The following GLT1D1 variants were observed in gnomAD, a reference collection of about 807,000 sequenced individuals.
The protein encoded by GLT1D1 is glycosyltransferase 1 domain containing 1, also known as glycosyltransferase 1 domain-containing protein 1.
GLT1D1 carries 21 observed loss-of-function variants against 28.7 expected under a neutral mutation model. The ratio of observed to expected loss-of-function variants is 0.73; its 90% CI spans 0.52 to 1.05. GLT1D1 has a LOEUF of 1.05. GLT1D1 is among the 50% of genes least tolerant of loss of function. The pLI is 0.00. For synonymous variants in GLT1D1, 147 were observed against 124.8 expected (o/e 1.18, Z -1.19); for missense variants, 343 against 330.6 (o/e 1.04, Z -0.29).
intron 1 of GLT1D1, 91 bp downstream of exon 1, chr12:128,853,740 C>G: frequency 3.6e-6 from 3 of 828,106 alleles, no homozygotes; most frequent in Non-Finnish European, 4.4e-6. Flanking sequence ...CTCAGCCAGG[C>G]CCCCTCCAGC....
intron 2 of GLT1D1, among the ~76,000 whole-genome samples, chr12:128,879,187 G>A (rs1325603556): frequency 6.6e-6 from 1 of 151,974 alleles, no homozygotes; most frequent in Non-Finnish European, 1.5e-5. Context: ...ACATGTGCAG[G>A]ATGTGCAGAT....
At position 128,983,261 on chromosome 12, in the gene GLT1D1, C is replaced by T. The variant is rs1007532097; in HGVS notation, c.*171C>T. 6 of 606,502 alleles carry T rather than the reference C, an allele frequency of 9.9e-6. No homozygotes were observed. Among genetic ancestry groups the T allele is most frequent in the African/African-American group, 7.4e-5 (4 of 54,098 alleles). 37.6% of individuals were successfully genotyped at this position (606,502 alleles called of 1,614,324 possible). A position where few individuals can be genotyped will look rare whatever the true frequency, so the allele number is the denominator to read the frequency against. On this transcript the variant is annotated 3_prime_UTR_variant, in exon 8 of 8. Transcript: ENST00000281703. The surrounding 1 kb of genome is among the most constrained non-coding windows in gnomAD (Gnocchi z 4.7). ...AGAGCCACTGCATTCATCCCATATC[C>T]TTCTGTGCGTTCAGATGCTGTCCCA...
intron 3 of GLT1D1, among the ~76,000 whole-genome samples, chr12:128,897,196 T>G (rs188199510): frequency 6.6e-6 from 1 of 152,332 alleles, no homozygotes; most frequent in Admixed American, 6.5e-5. Context: ...TTATATTTGC[T>G]CTCACGTGAA....
chr12:128,889,256 G>A (rs987076225), intron 3 of GLT1D1, among the ~76,000 whole-genome samples: 25 of 152,120 alleles, frequency 1.6e-4, no homozygotes, highest in African/African-American at 6.0e-4. Flanking sequence ...CTTTGGCATG[G>A]GTCTTATCTA....
intron 5 of GLT1D1, among the ~76,000 whole-genome samples, chr12:128,946,660 T>TC (rs1876136637): frequency 2.1e-5 from 2 of 94,384 alleles, no homozygotes; most frequent in Admixed American, 1.1e-4. Context: ...TTTTTTTTTT[T>TC]TTTTTTGAGA....
chr12:128,904,391 C>G (rs1477494599), intron 4 of GLT1D1, among the ~76,000 whole-genome samples: 1 of 151,672 alleles, frequency 6.6e-6, no homozygotes, highest in East Asian at 1.9e-4. Context: ...TACAACCTAA[C>G]ATTTTTATCA....
chr12:128,906,708 G>A (rs114842866), intron 4 of GLT1D1, among the ~76,000 whole-genome samples: 2,041 of 151,620 alleles, frequency 0.013, 35 homozygotes, highest in African/African-American at 0.038. Context: ...TTTAGAGTGA[G>A]GTTTTTCTTT....
chr12:128,944,392 G>T (rs1875745568), intron 4 of GLT1D1: 5 of 1,118,428 alleles, frequency 4.5e-6, no homozygotes, highest in South Asian at 3.7e-5. Context: ...TTTTTTTCTG[G>T]TAATAGTCCA....
chr12:128,980,117 A>G (rs1027915001), intron 7 of GLT1D1, among the ~76,000 whole-genome samples: 2 of 152,190 alleles, frequency 1.3e-5, no homozygotes, highest in Non-Finnish European at 2.9e-5. Flanking sequence ...CTTTGCTGAG[A>G]TGAAGTCCTG....
At chr12:128,957,784 T>C (rs1438250083) in intron 7 of GLT1D1, 141 bp downstream of exon 11, 2 of 592,608 alleles carry the variant, frequency 3.4e-6, no homozygotes, top group Non-Finnish European at 6.1e-6. Context: ...TCTTCTGTTA[T>C]CACCTGGGCA....
intron 6 of GLT1D1, among the ~76,000 whole-genome samples, chr12:128,953,545 T>A (rs957933622): frequency 2.0e-5 from 3 of 152,160 alleles, no homozygotes; most frequent in African/African-American, 7.2e-5. Context: ...TTTGATGCCA[T>A]GTCTAAGAAG....
intron 2 of GLT1D1, among the ~76,000 whole-genome samples, chr12:128,884,746 G>A (rs544467612): frequency 3.3e-4 from 50 of 152,134 alleles, no homozygotes; most frequent in African/African-American, 1.2e-3. Flanking sequence ...CCTGGGATGC[G>A]GAGGCTGGAG....
intron 6 of GLT1D1, among the ~76,000 whole-genome samples, chr12:128,950,510 C>A (rs1347305145): frequency 6.6e-6 from 1 of 152,194 alleles, no homozygotes; most frequent in Non-Finnish European, 1.5e-5. Flanking sequence ...TGCAAGCCGA[C>A]CTCTCTGCAA....
At position 128,918,469 on chromosome 12, in the gene GLT1D1, TTAAAA is replaced by T. The variant is rs760647946; in HGVS notation, c.375+19191_375+19195del. On this transcript the variant is annotated intron_variant, in intron 4 of 7. Transcript: ENST00000281703. ...ACATCCTGCACACGTATCCTGGAAC[TTAAAA>T]TAAAATAAGATAAAATGAAACAAAA... Among the ~76,000 whole-genome samples the T allele has an allele frequency of 1.6e-4, 25 of 152,286 alleles. No individual in the cohort carries two copies. The East Asian group carries it at 3.3e-3, about 20-fold the overall frequency.
At chr12:128,876,977 G>A (rs1284282206) in intron 2 of GLT1D1, among the ~76,000 whole-genome samples, 1 of 152,180 alleles carries the variant, frequency 6.6e-6, no homozygotes, top group African/African-American at 2.4e-5. Flanking sequence ...AGTAAATAGT[G>A]AAGTCAAACA....
intron 2 of GLT1D1, among the ~76,000 whole-genome samples, chr12:128,888,033 G>A (rs986930663): frequency 9.9e-5 from 15 of 152,090 alleles, no homozygotes; most frequent in Non-Finnish European, 1.9e-4. Flanking sequence ...CCTCCCATCC[G>A]CACAGGACGC....
At chr12:128,940,357 T>C in intron 4 of GLT1D1, among the ~76,000 whole-genome samples, 1 of 152,192 alleles carries the variant, frequency 6.6e-6, no homozygotes, top group East Asian at 1.9e-4. Context: ...GGCTCAGCGC[T>C]TCATGTCTTC....
intron 7 of GLT1D1, among the ~76,000 whole-genome samples, chr12:128,978,646 C>A (rs115680881): frequency 0.024 from 3,592 of 152,234 alleles, 134 homozygotes; most frequent in African/African-American, 0.082. Flanking sequence ...AGAGAGGGTT[C>A]TTGGATCTGT....
intron 2 of GLT1D1, among the ~76,000 whole-genome samples, chr12:128,884,038 G>A (rs1173881637): frequency 2.6e-5 from 4 of 152,088 alleles, no homozygotes; most frequent in Non-Finnish European, 5.9e-5. Context: ...TAGAACTACC[G>A]TAGGATCCAG....
Sources: gnomAD v4.1 joint callset for allele counts (sites outside exome capture counted in the v4.1 genomes callset) on GRCh38, gnomAD v4.1.1 for gene constraint, Gnocchi (gnomAD v3.1) non-coding constraint, MANE v1.5 for transcripts, NCBI Gene and HGNC (gene_info 2026-07-23, HGNC 2026-07-21) for gene names.